The following ADGRL3 variants were observed in gnomAD, a reference collection of about 807,000 sequenced individuals.
The protein encoded by ADGRL3 is adhesion G protein-coupled receptor L3, also known as calcium-independent alpha-latrotoxin receptor 3.
A neutral mutation model predicts 153.5 loss-of-function variants in ADGRL3; 62 were observed. The ratio of observed to expected loss-of-function variants is 0.40; its 90% CI spans 0.33 to 0.50. The LOEUF is 0.50. Ranked by LOEUF, ADGRL3 falls within the 20% of genes least tolerant of loss-of-function variation. The probability of loss-of-function intolerance (pLI) is 0.47; values close to 1 mark genes in which losing one functional copy is unlikely to be tolerated. For synonymous variants in ADGRL3, 710 were observed against 672.5 expected (o/e 1.06, Z -0.86); for missense variants, 1,641 against 1,859.4 (o/e 0.88, Z 2.16).
intron 4 of ADGRL3, among the ~76,000 whole-genome samples, chr4:61,535,939 T>C (rs557501788): frequency 1.2e-4 from 18 of 152,194 alleles, no homozygotes; most frequent in African/African-American, 3.9e-4. Flanking sequence ...TTCTACTAGC[T>C]TTGAGTTTGG....
At chr4:61,466,652 T>C (rs958914456) in intron 2 of ADGRL3, among the ~76,000 whole-genome samples, 30 of 152,220 alleles carry the variant, frequency 2.0e-4, no homozygotes, top group African/African-American at 7.2e-4. Flanking sequence ...TGCTCTGTTT[T>C]AAGACGTACC....
At chr4:61,769,224 C>T (rs2097050173) in intron 8 of ADGRL3, among the ~76,000 whole-genome samples, 1 of 152,014 alleles carries the variant, frequency 6.6e-6, no homozygotes, top group African/African-American at 2.4e-5. Context: ...TGACTGGCGC[C>T]GGAGTTTTGG....
chr4:61,271,826 T>G (rs1257026312), intron 1 of ADGRL3, among the ~76,000 whole-genome samples: 5 of 152,000 alleles, frequency 3.3e-5, no homozygotes, highest in Non-Finnish European at 7.4e-5. Context: ...GTAAAAGGGT[T>G]TCCCTTTCAT....
chr4:61,280,785 A>G (rs1019382314), intron 1 of ADGRL3, among the ~76,000 whole-genome samples: 1 of 152,192 alleles, frequency 6.6e-6, no homozygotes, highest in Non-Finnish European at 1.5e-5. Flanking sequence ...TTGTATGTCT[A>G]ACAAAAAGAG....
chr4:61,739,769 A>T (rs2096562085), intron 8 of ADGRL3, among the ~76,000 whole-genome samples: 1 of 152,066 alleles, frequency 6.6e-6, no homozygotes, highest in Admixed American at 6.6e-5. Flanking sequence ...CATTGTTGTG[A>T]GCTTTGGTAA....
intron 2 of ADGRL3, among the ~76,000 whole-genome samples, chr4:61,475,400 T>G (rs1219482675): frequency 6.6e-6 from 1 of 152,152 alleles, no homozygotes; most frequent in African/African-American, 2.4e-5. Flanking sequence ...TGACAAAGAT[T>G]TATGGGGTTT....
chr4:61,937,762 C>T (rs965550582), intron 15 of ADGRL3, among the ~76,000 whole-genome samples: 2 of 152,086 alleles, frequency 1.3e-5, no homozygotes, highest in African/African-American at 4.8e-5. Flanking sequence ...GTGCCTGGTC[C>T]ATCTATACAT....
At chr4:61,826,859 A>T (rs1245821938) in intron 9 of ADGRL3, among the ~76,000 whole-genome samples, 1 of 152,088 alleles carries the variant, frequency 6.6e-6, no homozygotes, top group Non-Finnish European at 1.5e-5. Flanking sequence ...TGGCACATGT[A>T]TACATATGTA....
At chr4:61,718,401 G>GA (rs1261911067) in intron 6 of ADGRL3, among the ~76,000 whole-genome samples, 1 of 152,200 alleles carries the variant, frequency 6.6e-6, no homozygotes, top group African/African-American at 2.4e-5. Flanking sequence ...AGCAGTGAAT[G>GA]AAGCAGTCGT....
chr4:61,566,631 T>A (rs951918937), intron 4 of ADGRL3, among the ~76,000 whole-genome samples: 5 of 152,140 alleles, frequency 3.3e-5, no homozygotes, highest in African/African-American at 1.2e-4. Context: ...AACTGAATAC[T>A]TTTAGTGTAT....
At chr4:61,654,239 G>A (rs2094369140) in intron 5 of ADGRL3, among the ~76,000 whole-genome samples, 1 of 151,834 alleles carries the variant, frequency 6.6e-6, no homozygotes, top group Non-Finnish European at 1.5e-5. Context: ...CTCTGATAGT[G>A]GAAATGTCAT....
chr4:61,713,734 G>A (rs2096050663), intron 6 of ADGRL3, among the ~76,000 whole-genome samples: 2 of 152,144 alleles, frequency 1.3e-5, no homozygotes, highest in South Asian at 2.1e-4. Context: ...TGGTTTTTAT[G>A]TAGAAAGTAT....
chr4:61,822,446 T>A (rs1278994674), intron 9 of ADGRL3, among the ~76,000 whole-genome samples: 1 of 152,202 alleles, frequency 6.6e-6, no homozygotes, highest in Non-Finnish European at 1.5e-5. Flanking sequence ...ATCATATCTC[T>A]AGGTTCCTGC....
chr4:61,341,792 C>T (rs766550170), intron 1 of ADGRL3, among the ~76,000 whole-genome samples: 11 of 151,976 alleles, frequency 7.2e-5, no homozygotes, highest in Non-Finnish European at 1.5e-4. Context: ...CTTTTTCATA[C>T]TTTAAACATA....
At chr4:61,951,512 A>C (rs1338126964) in intron 17 of ADGRL3, among the ~76,000 whole-genome samples, 1 of 152,190 alleles carries the variant, frequency 6.6e-6, no homozygotes, top group Non-Finnish European at 1.5e-5. Context: ...TTTATGTTGC[A>C]ATGTTAGACA....
In ADGRL3 at chr4:62,075,574, T is replaced by G. The variant is rs1454932210; in HGVS notation, c.*4666T>G. The G allele has an allele frequency of 6.6e-6, 1 of 152,208 alleles. No homozygotes were observed. The highest frequency in any genetic ancestry group is 1.5e-5 in the Non-Finnish European group (1 of 68,042). The allele number at this position is 152,208 out of a possible 1,614,324, so 9.4% of individuals were successfully genotyped here. ...GTAGACCAAGGTGTTAAAATTTAATTAGTTCATTTTTAGTAATTCATAATT... is the reference window on the plus strand; with the variant it reads ...GTAGACCAAGGTGTTAAAATTTAATGAGTTCATTTTTAGTAATTCATAATT... On this transcript the variant is annotated 3_prime_UTR_variant, in exon 27 of 27. Transcript: ENST00000683033.
intron 25 of ADGRL3, among the ~76,000 whole-genome samples, chr4:62,052,361 G>A (rs1247064803): frequency 2.6e-5 from 4 of 151,036 alleles, no homozygotes; most frequent in Non-Finnish European, 4.4e-5. Context: ...AGTTATTCAC[G>A]TCTTTATTTC....
chr4:61,819,715 C>T (rs1011640192), intron 9 of ADGRL3, among the ~76,000 whole-genome samples: 3 of 151,988 alleles, frequency 2.0e-5, no homozygotes, highest in Non-Finnish European at 4.4e-5. Context: ...ACAATGTGAA[C>T]TCAATCTAAA....
chr4:61,504,442 T>G (rs2152839283), intron 3 of ADGRL3, among the ~76,000 whole-genome samples: 1 of 152,352 alleles, frequency 6.6e-6, no homozygotes, highest in African/African-American at 2.4e-5. Flanking sequence ...TTTGTAAGGA[T>G]CAGTTACTCC....
Sources: gnomAD v4.1 joint callset for allele counts (sites outside exome capture counted in the v4.1 genomes callset) on GRCh38, gnomAD v4.1.1 for gene constraint, MANE v1.5 for transcripts, NCBI Gene and HGNC (gene_info 2026-07-23, HGNC 2026-07-21) for gene names.